BFSP1: variants seen among roughly 807,000 people sequenced by gnomAD.
BFSP1 encodes beaded filament structural protein 1, also known as filensin.
BFSP1 carries 38 observed loss-of-function variants against 43.9 expected under a neutral mutation model. That is an observed-to-expected ratio of 0.87 (90% CI 0.67 to 1.14). The LOEUF (loss-of-function observed/expected upper bound fraction) is 1.14. Ranked by LOEUF, BFSP1 falls within the 50% of genes most tolerant of loss-of-function variation. BFSP1 has a pLI of 0.00. For synonymous variants in BFSP1, 352 were observed against 354.8 expected (o/e 0.99, Z 0.09); for missense variants, 850 against 875.1 (o/e 0.97, Z 0.36).
At chr20:17,504,335 A>G (rs1270431686) in intron 5 of BFSP1, among the ~76,000 whole-genome samples, 1 of 152,188 alleles carries the variant, frequency 6.6e-6, no homozygotes, top group African/African-American at 2.4e-5. Context: ...ACCTTTCATC[A>G]GAAGGAAGAG....
intron 1 of BFSP1, among the ~76,000 whole-genome samples, chr20:17,547,286 CCTT>C (rs2034819434): frequency 6.6e-6 from 1 of 152,034 alleles, no homozygotes; most frequent in Admixed American, 6.5e-5. Flanking sequence ...GAGATTTCAT[CCTT>C]CTTATTCTTA....
Position 17,514,787 on chromosome 20 carries a change from T to C in BFSP1, c.468A>G (p.Leu156=), listed in dbSNP as rs766694264. 73 of 1,613,740 alleles carry C rather than the reference T, an allele frequency of 4.5e-5. No individual in the cohort carries two copies. Among genetic ancestry groups the C allele is most frequent in the Non-Finnish European group, 5.8e-5 (69 of 1,179,910 alleles). Residue 156 remains leucine (L), a synonymous_variant, in exon 3 of 8, where the codon CTA becomes CTG. Coordinates refer to ENST00000377873, the MANE Select transcript of BFSP1 (RefSeq NM_001195.5). ...KEADEALLHN[L]RLQLEAQFLQ... is the part of the protein sequence containing the mutation. ...GAAATTGGGCTTCCAGCTGAAGGCG[T>C]AGGTTATGCAGCAAGGCTTCATCAG... is the stretch of plus-strand genomic sequence containing the variant.
chr20:17,531,416 C>T (rs565665888), upstream of BFSP1: 5 of 1,254,860 alleles, frequency 4.0e-6, no homozygotes, highest in South Asian at 2.4e-5. Context: ...AAATAAACAC[C>T]GGAGGCCCCC....
chr20:17,514,700 G>T (rs2034159521), intron 3 of BFSP1, 21 bp downstream of exon 3: 1 of 1,610,388 alleles, frequency 6.2e-7, no homozygotes, highest in Non-Finnish European at 8.5e-7. Flanking sequence ...TAGAGGAAGG[G>T]CTTCAAGGGG....
chr20:17,563,885 TAAAAAAAA>T (rs998399781), upstream of BFSP1, among the ~76,000 whole-genome samples: 3 of 90,774 alleles, frequency 3.3e-5, no homozygotes, highest in Non-Finnish European at 6.8e-5. Flanking sequence ...AGACCGTGTC[TAAAAAAAA>T]AAAAAAAAAA....
chr20:17,553,890 CAT>C (rs1202742539), intron 1 of BFSP1, among the ~76,000 whole-genome samples: 1 of 102,514 alleles, frequency 9.8e-6, no homozygotes, highest in Non-Finnish European at 2.3e-5. Context: ...TATATACACA[CAT>C]ATATATTTCT....
intron 3 of BFSP1, among the ~76,000 whole-genome samples, chr20:17,513,855 G>A (rs1216840780): frequency 6.6e-6 from 1 of 152,228 alleles, no homozygotes; most frequent in Non-Finnish European, 1.5e-5. Flanking sequence ...GCTCAATCCT[G>A]GTGAGTATCT....
chr20:17,535,442 A>G (rs2034611269), upstream of BFSP1, among the ~76,000 whole-genome samples: 1 of 152,188 alleles, frequency 6.6e-6, no homozygotes, highest in Non-Finnish European at 1.5e-5. Context: ...GAGGCAGGAG[A>G]ATCACTTGAA....
intron 2 of BFSP1, among the ~76,000 whole-genome samples, 168 bp downstream of exon 2, chr20:17,524,680 C>T (rs996230726): frequency 7.2e-5 from 11 of 152,102 alleles, no homozygotes; most frequent in African/African-American, 2.7e-4. Context: ...TGTGTGAGTT[C>T]ACTCATAAAG....
chr20:17,496,990 G>A lies in BFSP1; in HGVS notation c.990C>T (p.Pro330=), dbSNP rs759692303. ...AGACTCCATGGCTCTGGGTGAACAG[G>A]GGAATGGGAGTTTCAATGAAGGCAG... ...LTSAFIETPI[P]LFTQSHGVSL... is the part of the protein sequence containing the mutation. Residue 330 remains proline, a synonymous_variant, in exon 7 of 8, where the codon CCC becomes CCT. Coordinates refer to ENST00000377873, the MANE Select transcript of BFSP1 (RefSeq NM_001195.5). 1 of 1,543,326 alleles carries A rather than the reference G, an allele frequency of 6.5e-7. No individual in the cohort carries two copies. Among genetic ancestry groups the A allele is most frequent in the Non-Finnish European group, 8.7e-7 (1 of 1,144,820 alleles).
upstream of BFSP1, chr20:17,531,417 G>A: frequency 2.4e-6 from 3 of 1,251,744 alleles, no homozygotes; most frequent in Non-Finnish European, 3.0e-6. Context: ...AATAAACACC[G>A]GAGGCCCCCG....
intron 1 of BFSP1, among the ~76,000 whole-genome samples, chr20:17,552,274 G>A (rs1034569179): frequency 5.3e-5 from 8 of 152,112 alleles, no homozygotes; most frequent in Admixed American, 3.9e-4. Flanking sequence ...AAGAAAGAGC[G>A]TTCTAAACAT....
In BFSP1 at chr20:17,498,826, C is replaced by T. The variant is rs954055893; in HGVS notation, c.950G>A (p.Gly317Asp). The T allele has an allele frequency of 9.3e-6, 15 of 1,612,380 alleles. No individual in the cohort carries two copies. The highest frequency in any genetic ancestry group is 1.3e-5 in the African/African-American group (1 of 74,860). The change falls in exon 6 of 8, where the codon GGC becomes GAC. Residue 317 changes from glycine to aspartate, a missense_variant. Physicochemically the swap from Gly to Asp is moderately conservative, Grantham distance 94. Coordinates refer to ENST00000377873, the MANE Select transcript of BFSP1 (RefSeq NM_001195.5). ...DRYHRIIEIE[G>D]NRLTSAFIET... ...GGGGAGGGCACACGCTCACCTGTTG[C>T]CTTCAATCTCGATGATACGATGATA...
chr20:17,507,272 G>GGGGT lies in BFSP1; in HGVS notation c.735+1616_735+1617insACCC, dbSNP rs1258478504. Among the ~76,000 whole-genome samples, 10 of 141,226 alleles carry GGGGT rather than the reference G, an allele frequency of 7.1e-5. No homozygotes were observed. Among genetic ancestry groups the GGGGT allele is most frequent in the South Asian group, 2.6e-4 (1 of 3,880 alleles). The allele number at this position is 141,226 out of a possible 152,430, so 92.6% of individuals were successfully genotyped here. On this transcript the variant is annotated intron_variant, in intron 5 of 7. Transcript: ENST00000377873. This position sits in a 1 kb window ranked among gnomAD's most constrained non-coding sequence, Gnocchi z 4.4. ...GCGAGCCATACACATCAGATAGGTA[G>GGGGT]GTGTGTGTGTGTGTGTGTGTGTGTG...
intron 1 of BFSP1, among the ~76,000 whole-genome samples, chr20:17,544,021 G>A (rs1013384685): frequency 3.9e-5 from 6 of 152,136 alleles, no homozygotes; most frequent in Non-Finnish European, 5.9e-5. Context: ...TTAAGCATCC[G>A]TCTTAGCTTG....
upstream of BFSP1, chr20:17,559,049 A>C (rs1388394395): frequency 1.3e-5 from 3 of 222,444 alleles, no homozygotes; most frequent in Non-Finnish European, 2.6e-5. Context: ...GTAAAGAAAA[A>C]AAAAAAAGCA....
chr20:17,498,223 C>T (rs1394535638), intron 6 of BFSP1, among the ~76,000 whole-genome samples: 3 of 152,194 alleles, frequency 2.0e-5, no homozygotes, highest in Admixed American at 1.3e-4. Context: ...CTGGAAATCA[C>T]CGTAGCTATG....
upstream of BFSP1, among the ~76,000 whole-genome samples, chr20:17,533,291 G>C (rs2034577628): frequency 6.6e-6 from 1 of 152,192 alleles, no homozygotes; most frequent in Non-Finnish European, 1.5e-5. Flanking sequence ...CATATACCAT[G>C]CTGATAGCAT....
Position 17,531,064 on chromosome 20 carries a change from G to T in BFSP1, c.266C>A (p.Ala89Asp), listed in dbSNP as rs1435907278. ...CTGGCGGTTGCTCTCGACTTGGCGG[G>T]CGAGGGCGTCCTCGGGCCCGGCCAG... The part of the protein sequence containing the change: ...GELAGPEDAL[A>D]RQVESNRQRV... Residue 89 changes from alanine to aspartate, a missense_variant, in exon 1 of 8, where the codon GCC (alanine) becomes GAC (aspartate). Physicochemically the swap from Ala to Asp is moderately radical, Grantham distance 126. Coordinates refer to ENST00000377873, the MANE Select transcript of BFSP1 (RefSeq NM_001195.5). The T allele has an allele frequency of 7.1e-7, 1 of 1,400,750 alleles. No homozygotes were observed. The highest frequency in any genetic ancestry group is 1.5e-5 in the South Asian group (1 of 65,668). The allele number at this position is 1,400,750 out of a possible 1,614,324, so 86.8% of individuals were successfully genotyped here.
Sources: allele counts gnomAD v4.1 joint callset (sites outside exome capture counted in the v4.1 genomes callset), GRCh38; gene constraint gnomAD v4.1.1; non-coding constraint Gnocchi (gnomAD v3.1); transcripts MANE v1.5; gene names NCBI Gene and HGNC (gene_info 2026-07-23, HGNC 2026-07-21).